SHROOM2: variants seen among roughly 807,000 people sequenced by gnomAD.
SHROOM2 encodes the protein shroom family member 2.
Under a neutral mutation model 75.9 loss-of-function variants are expected in SHROOM2, and 33 were observed. The observed-to-expected ratio is 0.43, with a 90% CI of 0.33 to 0.58. The LOEUF (loss-of-function observed/expected upper bound fraction) is 0.58, where lower values mean the gene tolerates loss of function less well. SHROOM2 is among the 20% of genes least tolerant of loss of function. The pLI, the probability that SHROOM2 is intolerant of heterozygous loss-of-function variation, is 0.04. For missense variants in SHROOM2, 1,434 were observed against 1,461.2 expected (o/e 0.98, Z 0.30); for synonymous variants, 655 against 663.6 (o/e 0.99, Z 0.20).
At chrX:9,904,665 C>T (rs5979203) in intron 5 of SHROOM2, among the ~76,000 whole-genome samples, 3,858 of 112,247 alleles carry the variant, frequency 0.034, 177 homozygotes, top group African/African-American at 0.12. Flanking sequence ...GCCTCTGGGC[C>T]GACCTTGGCT....
intron 1 of SHROOM2, among the ~76,000 whole-genome samples, chrX:9,808,156 C>G (rs2083766429): frequency 9.0e-6 from 1 of 111,569 alleles, no homozygotes; most frequent in African/African-American, 3.3e-5. Flanking sequence ...ACTTCACCCT[C>G]TCAGATTAAA....
At chrX:9,851,389 G>T (rs899794546) in intron 1 of SHROOM2, among the ~76,000 whole-genome samples, 1 of 109,137 alleles carries the variant, frequency 9.2e-6, no homozygotes, top group African/African-American at 3.3e-5. Context: ...GGTTCCCCAC[G>T]TGGCAACAGT....
intron 5 of SHROOM2, among the ~76,000 whole-genome samples, chrX:9,900,554 G>A (rs888383098): frequency 8.9e-6 from 1 of 112,174 alleles, no homozygotes; most frequent in Non-Finnish European, 1.9e-5. Context: ...TGTTGAGATC[G>A]GAATTGTTTT....
chrX:9,807,160 G>A lies in SHROOM2; in HGVS notation c.165+20450G>A, dbSNP rs766062372. 4.5e-5 allele frequency among the ~76,000 whole-genome samples: 5 copies of A among 112,109 alleles called. No individual in the cohort carries two copies. In the South Asian group the frequency reaches 1.9e-3, roughly 42 times the overall value. ...AGCCTCATGAAGGTCCCTGCCTCGA[G>A]TATGTCTGAGCCTGGATGATCCCCC... On this transcript the variant is annotated intron_variant, in intron 1 of 9. Transcript: ENST00000380913.
chrX:9,942,466 G>C (rs947363668), intron 8 of SHROOM2, among the ~76,000 whole-genome samples: 2 of 112,055 alleles, frequency 1.8e-5, no homozygotes, highest in Non-Finnish European at 3.8e-5. Context: ...TCGCAAGTCT[G>C]AGTCTCAGGG....
In SHROOM2 at chrX:9,790,607, G is replaced by A. The variant is rs140871509; in HGVS notation, c.165+3897G>A. Among the ~76,000 whole-genome samples, 814 of 111,401 alleles carry A rather than the reference G, an allele frequency of 7.3e-3. 11 individuals are homozygous for A. The highest frequency in any genetic ancestry group is 0.025 in the African/African-American group (769 of 30,631). On this transcript the variant is annotated intron_variant, in intron 1 of 9. Coordinates refer to ENST00000380913, the MANE Select transcript of SHROOM2 (RefSeq NM_001649.4). ...TCTGCCATCTCTAAGTGATGTCCGA[G>A]TTGTAAAGCTTTACTCACTTTTTGA...
chrX:9,805,107 G>A (rs2083744165), intron 1 of SHROOM2, among the ~76,000 whole-genome samples: 1 of 110,031 alleles, frequency 9.1e-6, no homozygotes, highest in African/African-American at 3.3e-5. Flanking sequence ...AAGTTAGCCA[G>A]GAGTGGTGGT....
Position 9,895,277 on chromosome X carries a change from C to G in SHROOM2, c.1369C>G (p.Pro457Ala). 8.5e-7 allele frequency: 1 copy of G among 1,182,255 alleles called. No individual in the cohort carries two copies. Among genetic ancestry groups the G allele is most frequent in the Non-Finnish European group, 1.1e-6 (1 of 880,405 alleles). ...PGAASFQNDS[P>A]PQVRGLSSCD... Reference sequence around the variant, plus strand: ...GGCTGCCAGCTTCCAGAACGACAGCCCTCCTCAGGTGAGGGGGCTCAGCAG... The same window carrying G: ...GGCTGCCAGCTTCCAGAACGACAGCGCTCCTCAGGTGAGGGGGCTCAGCAG... Residue 457 changes from proline to alanine, a missense_variant, in exon 4 of 10, where the codon CCT (proline) becomes GCT (alanine). This residue lies in a region of SHROOM2 where 1,340 missense variants were observed against 1,338.3 expected (regional missense o/e 1.00). Transcript: ENST00000380913.
intron 7 of SHROOM2, among the ~76,000 whole-genome samples, chrX:9,938,255 A>G (rs1169405683): frequency 8.9e-6 from 1 of 112,482 alleles, no homozygotes; most frequent in Non-Finnish European, 1.9e-5. Context: ...GCATTTAAAA[A>G]ATTTATTATA....
intron 1 of SHROOM2, among the ~76,000 whole-genome samples, chrX:9,844,906 C>T (rs928289804): frequency 1.8e-5 from 2 of 111,956 alleles, no homozygotes; most frequent in South Asian, 7.4e-4. Context: ...TGTGCTCCTG[C>T]GTTCCTCTCA....
intron 5 of SHROOM2, among the ~76,000 whole-genome samples, chrX:9,904,747 C>T (rs899043748): frequency 8.9e-6 from 1 of 112,576 alleles, no homozygotes; most frequent in Non-Finnish European, 1.9e-5. Context: ...CATAGATGTC[C>T]ATTCTCCCCT....
chrX:9,786,438 C>G lies in SHROOM2; in HGVS notation c.-108C>G, dbSNP rs1240702726. 1.6e-6 allele frequency: 1 copy of G among 632,439 alleles called. No individual in the cohort carries two copies. The highest frequency in any genetic ancestry group is 1.9e-6 in the Non-Finnish European group (1 of 514,016). The allele number at this position is 632,439 out of a possible 1,213,427, so 52.1% of individuals were successfully genotyped here. The stretch of plus-strand genomic sequence containing the variant: ...CCGCCGCCGGGCCGGCACTTTCTTT[C>G]CAAGTTACGGCGCAAGTTCTGCGGC... On this transcript the variant is annotated 5_prime_UTR_variant, in exon 1 of 10. Coordinates refer to ENST00000380913, the MANE Select transcript of SHROOM2 (RefSeq NM_001649.4).
intron 1 of SHROOM2, among the ~76,000 whole-genome samples, chrX:9,833,129 C>T (rs1394173988): frequency 2.7e-5 from 3 of 111,490 alleles, no homozygotes; most frequent in Non-Finnish European, 5.7e-5. Flanking sequence ...AAATGACAGA[C>T]GGAACAAAAC....
At chrX:9,843,178 C>T (rs932107579) in intron 1 of SHROOM2, among the ~76,000 whole-genome samples, 1 of 110,016 alleles carries the variant, frequency 9.1e-6, no homozygotes, top group African/African-American at 3.3e-5. Context: ...CTCCCCCACA[C>T]TGGGCTTCCC....
In SHROOM2 at chrX:9,786,715, G is replaced by A; in HGVS notation, c.165+5G>A. 1.1e-6 allele frequency: 1 copy of A among 883,379 alleles called. No individual in the cohort carries two copies. The highest frequency in any genetic ancestry group is 1.4e-6 in the Non-Finnish European group (1 of 720,845). 72.8% of individuals were successfully genotyped at this position (883,379 alleles called of 1,213,427 possible). ...GAGCCGCTGGTCATCACCAAGGTAA[G>A]GCGGCCGCGGGGCGCGGGCGCTGAC... On this transcript the variant is annotated splice_donor_5th_base_variant and intron_variant, in intron 1 of 9. Transcript: ENST00000380913.
In SHROOM2 at chrX:9,881,934, G is replaced by T. The variant is rs192066356; in HGVS notation, c.317+8131G>T. ...TGAGTAACCATGGGCTCTGGGAAGG[G>T]AATTTGAGGACAAATTGAGTAAAAA... On this transcript the variant is annotated intron_variant, in intron 2 of 9. Transcript: ENST00000380913. 1.2e-4 allele frequency among the ~76,000 whole-genome samples: 14 copies of T among 112,130 alleles called. No homozygotes were observed. In the East Asian group the frequency reaches 3.6e-3, roughly 29 times the overall value.
intron 2 of SHROOM2, among the ~76,000 whole-genome samples, chrX:9,887,470 G>T (rs2084267116): frequency 9.0e-6 from 1 of 111,729 alleles, no homozygotes; most frequent in Admixed American, 9.5e-5. Context: ...AACATAGCAA[G>T]ACCTCATCTC....
chrX:9,940,742 A>G (rs2084761826), intron 8 of SHROOM2, among the ~76,000 whole-genome samples: 1 of 112,236 alleles, frequency 8.9e-6, no homozygotes, highest in African/African-American at 3.2e-5. Context: ...GGAGGAAGCG[A>G]GCATAGCGCA....
At chrX:9,855,784 C>T (rs186770281) in intron 1 of SHROOM2, among the ~76,000 whole-genome samples, 6 of 111,452 alleles carry the variant, frequency 5.4e-5, no homozygotes, top group Admixed American at 4.8e-4. Flanking sequence ...AACTCTTGCC[C>T]ACCACGAACT....
Sources: gnomAD v4.1 joint callset for allele counts (sites outside exome capture counted in the v4.1 genomes callset) on GRCh38, gnomAD v4.1.1 for gene constraint, gnomAD v4.1.1 regional missense constraint, MANE v1.5 for transcripts, NCBI Gene and HGNC (gene_info 2026-07-23, HGNC 2026-07-21) for gene names.